Variants in PHC2 observed in about 807,000 individuals in gnomAD.
The protein encoded by PHC2 is polyhomeotic-like protein 2.
A neutral mutation model predicts 87.4 loss-of-function variants in PHC2; 29 were observed. The observed-to-expected ratio is 0.33, with a 90% CI of 0.25 to 0.45. The LOEUF (loss-of-function observed/expected upper bound fraction) is 0.45. Ranked by LOEUF, PHC2 falls within the 20% of genes least tolerant of loss-of-function variation. PHC2 has a pLI of 1.00. For missense variants in PHC2, 857 were observed against 1,136.7 expected (o/e 0.75, Z 3.54); for synonymous variants, 438 against 461.7 (o/e 0.95, Z 0.66).
chr1:33,331,721 G>A lies in PHC2; in HGVS notation c.1892-259C>T, dbSNP rs1228761762. The A allele has an allele frequency of 2.5e-6, 1 of 407,266 alleles. No individual in the cohort carries two copies. Among genetic ancestry groups the A allele is most frequent in the African/African-American group, 2.0e-5 (1 of 49,470 alleles). The allele number at this position is 407,266 out of a possible 1,614,324, so 25.2% of individuals were successfully genotyped here. ...GAGTCTGAGGCAAAACACAGGTGGG[G>A]AAGAATCAGCATCAAATGACTGTGG... On this transcript the variant is annotated intron_variant, in intron 11 of 14. Transcript: ENST00000683057. This position sits in a 1 kb window ranked among gnomAD's most constrained non-coding sequence, Gnocchi z 5.2.
Position 33,326,585 on chromosome 1 carries a change from C to G in PHC2, c.2426-1566G>C, listed in dbSNP as rs146225391. Among the ~76,000 whole-genome samples, 376 of 152,248 alleles carry G rather than the reference C, an allele frequency of 2.5e-3. 1 individual carries two copies. The highest frequency in any genetic ancestry group is 8.6e-3 in the African/African-American group (357 of 41,534). On this transcript the variant is annotated intron_variant, in intron 14 of 14. Coordinates refer to ENST00000683057, the MANE Select transcript of PHC2 (RefSeq NM_001385109.1). ...AGATAATTCTGGGTGTGGTTTTTGT[C>G]TAATGGAATGGACCCCAACAAGATT...
chr1:33,402,155 G>A (rs1053616626), intron 1 of PHC2, among the ~76,000 whole-genome samples: 3 of 152,086 alleles, frequency 2.0e-5, no homozygotes, highest in African/African-American at 4.8e-5. Context: ...CACTTGAATT[G>A]AATTTTCTAC....
chr1:33,345,498 G>A, intron 9 of PHC2: 2 of 960,530 alleles, frequency 2.1e-6, no homozygotes, highest in Non-Finnish European at 2.5e-6. Context: ...TAATTTGGAA[G>A]GAGAAGGAAA....
At chr1:33,423,799 T>C (rs1231249695) in intron 1 of PHC2, among the ~76,000 whole-genome samples, 4 of 152,168 alleles carry the variant, frequency 2.6e-5, no homozygotes, top group South Asian at 2.1e-4. Context: ...ATATTTTTTA[T>C]TTAGAAAGTG....
At chr1:33,394,847 G>A (rs1024307553) in intron 1 of PHC2, among the ~76,000 whole-genome samples, 11 of 152,170 alleles carry the variant, frequency 7.2e-5, no homozygotes, top group African/African-American at 2.7e-4. Context: ...TGGGATTACA[G>A]GCATGAGCCA....
At chr1:33,379,244 C>T (rs72658274) in intron 1 of PHC2, among the ~76,000 whole-genome samples, 14,816 of 149,250 alleles carry the variant, frequency 0.099, 981 homozygotes, top group East Asian at 0.26. Context: ...GGCAAGCATG[C>T]CTTTCCTTTC....
At position 33,344,470 on chromosome 1, in the gene PHC2, A is replaced by T. The variant is rs192119103; in HGVS notation, c.1558+9931T>A. On this transcript the variant is annotated intron_variant, in intron 9 of 14. Coordinates refer to ENST00000683057, the MANE Select transcript of PHC2 (RefSeq NM_001385109.1). ...TCAGTTCTATTGATCATTTCTGCTC[A>T]TGGAAACATTACTCCTTTCCTCCTT... is the stretch of plus-strand genomic sequence containing the variant. Among the ~76,000 whole-genome samples the T allele has an allele frequency of 4.6e-5, 7 of 152,342 alleles. No individual in the cohort carries two copies. In the East Asian group the frequency reaches 1.3e-3, roughly 29 times the overall value.
At chr1:33,356,123 CTT>C (rs940607515) in intron 7 of PHC2, among the ~76,000 whole-genome samples, 10 of 151,644 alleles carry the variant, frequency 6.6e-5, no homozygotes, top group African/African-American at 2.2e-4. Context: ...CGGTCAGAAA[CTT>C]TGTGTATCTC....
At chr1:33,412,947 T>G (rs1325324269) in intron 1 of PHC2, among the ~76,000 whole-genome samples, 1 of 113,142 alleles carries the variant, frequency 8.8e-6, no homozygotes, top group East Asian at 2.3e-4. Flanking sequence ...TATGGACTTG[T>G]TTTTTTTTTG....
Position 33,375,410 on chromosome 1 carries a change from G to A in PHC2, c.130C>T (p.Gln44Ter). 1 of 1,610,498 alleles carries A rather than the reference G, an allele frequency of 6.2e-7. No individual in the cohort carries two copies. Among genetic ancestry groups the A allele is most frequent in the Non-Finnish European group, 8.5e-7 (1 of 1,178,208 alleles). The change falls in exon 2 of 15, where the codon CAG becomes TAG. Residue 44 changes from glutamine to a stop codon, truncating the protein, a stop_gained. Coordinates refer to ENST00000683057, the MANE Select transcript of PHC2 (RefSeq NM_001385109.1). LOFTEE classifies it high-confidence loss of function. ...SGGSGRPTGP[Q>*]ISVYSGIPDR... is the part of the protein sequence containing the mutation. ...GGAATACCACTGTACACAGAAATCT[G>A]GGGCCCGGTGGGGCGGCCACTTCCA...
At chr1:33,376,188 C>G (rs1416022306) in intron 1 of PHC2, among the ~76,000 whole-genome samples, 2 of 152,212 alleles carry the variant, frequency 1.3e-5, no homozygotes, top group Non-Finnish European at 1.5e-5. Context: ...GCGACCACCA[C>G]CACACCCAGC....
chr1:33,352,913 G>C (rs902951845), intron 9 of PHC2, among the ~76,000 whole-genome samples: 5 of 152,156 alleles, frequency 3.3e-5, no homozygotes, highest in African/African-American at 1.2e-4. Flanking sequence ...TTCTACTTAT[G>C]TCCTAGGGCT....
chr1:33,333,799 C>T (rs1054934974), intron 10 of PHC2: 2 of 359,214 alleles, frequency 5.6e-6, no homozygotes, highest in Admixed American at 5.0e-5. Flanking sequence ...CCACAGTGAA[C>T]TCCCTTTTAA....
At chr1:33,341,415 T>TATC (rs1175713324) in intron 9 of PHC2, among the ~76,000 whole-genome samples, 1 of 152,210 alleles carries the variant, frequency 6.6e-6, no homozygotes, top group Non-Finnish European at 1.5e-5. Context: ...AGAGGCCAGA[T>TATC]ATCACATGTG....
chr1:33,352,133 A>T (rs1199187808), intron 9 of PHC2, among the ~76,000 whole-genome samples: 2 of 152,160 alleles, frequency 1.3e-5, no homozygotes, highest in Non-Finnish European at 2.9e-5. Flanking sequence ...TTTATGGAGG[A>T]GAAAGGCAAA....
chr1:33,338,201 A>T (rs1016786423), intron 9 of PHC2, among the ~76,000 whole-genome samples: 2 of 152,238 alleles, frequency 1.3e-5, no homozygotes, highest in African/African-American at 4.8e-5. Flanking sequence ...TGCCAGATAC[A>T]TTCGTGAGCA....
intron 7 of PHC2, among the ~76,000 whole-genome samples, chr1:33,359,400 A>G (rs1433290310): frequency 6.6e-6 from 1 of 152,214 alleles, no homozygotes; most frequent in Non-Finnish European, 1.5e-5. Flanking sequence ...GAAGTCCACT[A>G]TAGTTGACTA....
In PHC2 at chr1:33,324,859, C is replaced by T. The variant is rs1570433859; in HGVS notation, c.*6G>A. On this transcript the variant is annotated 3_prime_UTR_variant, in exon 15 of 15. Coordinates refer to ENST00000683057, the MANE Select transcript of PHC2 (RefSeq NM_001385109.1). ...CCCTGGGCCAGAATCCTGGCTGCCA[C>T]CAGCCCTAGGAGTCCTTGAGCATGC... The T allele has an allele frequency of 2.1e-5, 34 of 1,605,084 alleles. No individual in the cohort carries two copies. Among genetic ancestry groups the T allele is most frequent in the East Asian group, 6.7e-5 (3 of 44,604 alleles).
intron 1 of PHC2, among the ~76,000 whole-genome samples, chr1:33,403,299 G>A (rs1227143334): frequency 6.9e-6 from 1 of 145,734 alleles, no homozygotes; most frequent in African/African-American, 2.6e-5. Flanking sequence ...GGTAATTTTT[G>A]TATTTTTAGT....
Sources: allele counts gnomAD v4.1 joint callset (sites outside exome capture counted in the v4.1 genomes callset), GRCh38; gene constraint gnomAD v4.1.1; non-coding constraint Gnocchi (gnomAD v3.1); transcripts MANE v1.5; gene names NCBI Gene and HGNC (gene_info 2026-07-23, HGNC 2026-07-21).